Variants in ST6GALNAC5 observed in about 807,000 individuals in gnomAD.
ST6GALNAC5 encodes the protein alpha-N-acetylgalactosaminide alpha-2,6-sialyltransferase 5.
ST6GALNAC5 carries 27 observed loss-of-function variants against 33.6 expected under a neutral mutation model. The ratio of observed to expected loss-of-function variants is 0.80; its 90% CI spans 0.59 to 1.11. The LOEUF is 1.11. ST6GALNAC5 is among the 50% of genes least tolerant of loss of function. ST6GALNAC5 has a pLI of 0.00. For missense variants in ST6GALNAC5, 428 were observed against 454.0 expected (o/e 0.94, Z 0.52); for synonymous variants, 194 against 171.2 (o/e 1.13, Z -1.04).
chr1:76,928,591 T>C (rs1647107550), intron 2 of ST6GALNAC5, among the ~76,000 whole-genome samples: 1 of 152,090 alleles, frequency 6.6e-6, no homozygotes. Flanking sequence ...GATGAGTGAG[T>C]CCATCCCAAA....
chr1:76,938,647 G>T (rs775121952), intron 2 of ST6GALNAC5, among the ~76,000 whole-genome samples: 1 of 152,012 alleles, frequency 6.6e-6, no homozygotes, highest in South Asian at 2.1e-4. Context: ...TAAATGCTCC[G>T]TGTGGTTCAT....
At chr1:76,953,021 T>C (rs1388850294) in intron 2 of ST6GALNAC5, among the ~76,000 whole-genome samples, 1 of 152,156 alleles carries the variant, frequency 6.6e-6, no homozygotes, top group African/African-American at 2.4e-5. Flanking sequence ...CATGTATCAT[T>C]TCTTTTATTT....
At chr1:76,983,919 A>C (rs1032429888) in intron 2 of ST6GALNAC5, among the ~76,000 whole-genome samples, 4 of 152,200 alleles carry the variant, frequency 2.6e-5, no homozygotes, top group Admixed American at 6.5e-5. Context: ...CTACTGGGTA[A>C]ATAATGAAAT....
intron 2 of ST6GALNAC5, among the ~76,000 whole-genome samples, chr1:76,968,914 C>G (rs967381141): frequency 2.0e-5 from 3 of 152,218 alleles, no homozygotes; most frequent in Non-Finnish European, 2.9e-5. Context: ...GGCCCCCACT[C>G]TCTTCTGGCT....
At chr1:77,054,669 A>C (rs2100475024) in intron 4 of ST6GALNAC5, among the ~76,000 whole-genome samples, 1 of 152,158 alleles carries the variant, frequency 6.6e-6, no homozygotes, top group East Asian at 1.9e-4. Context: ...TGGGGGAGCA[A>C]ACTGCCAAGC....
At chr1:76,993,303 C>A (rs975400758) in intron 2 of ST6GALNAC5, among the ~76,000 whole-genome samples, 1 of 152,180 alleles carries the variant, frequency 6.6e-6, no homozygotes, top group Non-Finnish European at 1.5e-5. Context: ...CAGGCCAGGG[C>A]TGTATTGTAG....
At chr1:77,015,043 G>A (rs1443413520) in intron 2 of ST6GALNAC5, among the ~76,000 whole-genome samples, 7 of 114,846 alleles carry the variant, frequency 6.1e-5, no homozygotes, top group Admixed American at 5.1e-4. Context: ...TAGGACACTC[G>A]CACACAAACA....
At chr1:77,042,991 G>T (rs1651883230) in intron 2 of ST6GALNAC5, among the ~76,000 whole-genome samples, 1 of 152,172 alleles carries the variant, frequency 6.6e-6, no homozygotes, top group Admixed American at 6.5e-5. Flanking sequence ...GCCCTCGGGT[G>T]CTCTCAGTGT....
At chr1:76,936,953 G>GGCGTGTGTATGTGTGTGTGTGT in intron 2 of ST6GALNAC5, among the ~76,000 whole-genome samples, 1 of 140,046 alleles carries the variant, frequency 7.1e-6, no homozygotes, top group East Asian at 2.1e-4. Flanking sequence ...AGAGAAGCAG[G>GGCGTGTGTATGTGTGTGTGTGT]GTGTGTGTGT....
chr1:77,055,291 G>T (rs1652354537), intron 4 of ST6GALNAC5, among the ~76,000 whole-genome samples: 2 of 152,108 alleles, frequency 1.3e-5, no homozygotes, highest in Admixed American at 6.5e-5. Flanking sequence ...ATTCATAAAG[G>T]AACTCACCCT....
At chr1:77,036,941 G>T (rs1651664885) in intron 2 of ST6GALNAC5, among the ~76,000 whole-genome samples, 1 of 152,198 alleles carries the variant, frequency 6.6e-6, no homozygotes, top group African/African-American at 2.4e-5. Context: ...GAACAGTTTA[G>T]ATTGAGTGGT....
At chr1:76,880,994 T>G (rs1653766631) in intron 2 of ST6GALNAC5, among the ~76,000 whole-genome samples, 1 of 152,216 alleles carries the variant, frequency 6.6e-6, no homozygotes. Flanking sequence ...ATTAAATGTG[T>G]GAAAGGACTT....
intron 2 of ST6GALNAC5, among the ~76,000 whole-genome samples, chr1:76,903,946 C>G (rs1646841084): frequency 1.3e-5 from 2 of 152,074 alleles, no homozygotes; most frequent in African/African-American, 4.8e-5. Context: ...AGCTAAAGGG[C>G]AGAAATGTTC....
chr1:76,927,968 C>A (rs967599796), intron 2 of ST6GALNAC5, among the ~76,000 whole-genome samples: 1 of 152,034 alleles, frequency 6.6e-6, no homozygotes, highest in African/African-American at 2.4e-5. Flanking sequence ...TGTTGTAGGG[C>A]CTAATTTCAG....
At chr1:76,978,107 T>C (rs879695443) in intron 2 of ST6GALNAC5, among the ~76,000 whole-genome samples, 4 of 152,194 alleles carry the variant, frequency 2.6e-5, no homozygotes, top group Non-Finnish European at 4.4e-5. Context: ...ATATACCTGT[T>C]GACTATTTGT....
At chr1:76,923,352 G>A (rs769967075) in intron 2 of ST6GALNAC5, among the ~76,000 whole-genome samples, 1 of 152,042 alleles carries the variant, frequency 6.6e-6, no homozygotes, top group Non-Finnish European at 1.5e-5. Context: ...ACGGGGTTTG[G>A]AACAGTCCAT....
intron 2 of ST6GALNAC5, among the ~76,000 whole-genome samples, chr1:76,948,792 A>C (rs2100334866): frequency 1.3e-5 from 2 of 152,236 alleles, no homozygotes; most frequent in Middle Eastern, 6.8e-3. Flanking sequence ...CAAGAACCTT[A>C]AGCTTTCTTT....
intron 2 of ST6GALNAC5, among the ~76,000 whole-genome samples, chr1:76,903,280 A>G (rs1038088125): frequency 2.0e-5 from 3 of 152,210 alleles, no homozygotes; most frequent in Non-Finnish European, 4.4e-5. Context: ...AAGCACACGG[A>G]AAGATTCTCA....
intron 4 of ST6GALNAC5, among the ~76,000 whole-genome samples, chr1:77,057,679 G>A (rs533778952): frequency 1.3e-3 from 204 of 152,278 alleles, no homozygotes; most frequent in South Asian, 8.1e-3. Context: ...TTTAGACGAG[G>A]GCAAAGAAAT....
Sources: allele counts gnomAD v4.1 joint callset (sites outside exome capture counted in the v4.1 genomes callset), GRCh38; gene constraint gnomAD v4.1.1; transcripts MANE v1.5; gene names NCBI Gene and HGNC (gene_info 2026-07-23, HGNC 2026-07-21).